The following HEMK2 variants were observed in gnomAD, a reference collection of about 807,000 sequenced individuals.
HEMK2 encodes the protein methyltransferase HEMK2.
chr21:28,657,495 T>A, the HEMK2 span, among the ~76,000 whole-genome samples: 5 of 151,968 alleles, frequency 3.3e-5, no homozygotes, highest in African/African-American at 1.2e-4. Flanking sequence ...AGGAGAAAAA[T>A]CTCAACTCAA....
At chr21:28,784,540 G>A in the HEMK2 span, among the ~76,000 whole-genome samples, 40 of 151,614 alleles carry the variant, frequency 2.6e-4, no homozygotes, top group Non-Finnish European at 5.1e-4. Flanking sequence ...CCTGTGTCTA[G>A]CTCAAGGTTT....
chr21:28,601,498 A>G, the HEMK2 span, among the ~76,000 whole-genome samples: 8 of 151,974 alleles, frequency 5.3e-5, no homozygotes, highest in Admixed American at 5.2e-4. Context: ...CTCTACTAAC[A>G]CTTTTTACTA....
chr21:28,833,252 A>G, the HEMK2 span, among the ~76,000 whole-genome samples: 1 of 152,242 alleles, frequency 6.6e-6, no homozygotes, highest in East Asian at 1.9e-4. Context: ...AAAACCGCAC[A>G]GAATTTTAGC....
the HEMK2 span, among the ~76,000 whole-genome samples, chr21:28,677,684 T>C: frequency 5.8e-4 from 88 of 152,296 alleles, no homozygotes; most frequent in South Asian, 0.017. Flanking sequence ...GGCTGGGTAT[T>C]CCTCTGAGAC....
the HEMK2 span, among the ~76,000 whole-genome samples, chr21:28,685,587 T>TGG: frequency 6.6e-6 from 1 of 152,156 alleles, no homozygotes; most frequent in East Asian, 1.9e-4. Context: ...TTATGCACAC[T>TGG]TAGATTTCTA....
At chr21:28,646,613 T>C in the HEMK2 span, among the ~76,000 whole-genome samples, 25 of 152,170 alleles carry the variant, frequency 1.6e-4, 1 homozygote, top group East Asian at 9.6e-4. Flanking sequence ...CAGATGGCCT[T>C]ATTTGGTATT....
the HEMK2 span, among the ~76,000 whole-genome samples, chr21:28,647,715 C>G: frequency 1.3e-5 from 2 of 152,060 alleles, no homozygotes; most frequent in Non-Finnish European, 2.9e-5. Flanking sequence ...AGACCTCTTA[C>G]ATGAAGTGAA....
the HEMK2 span, among the ~76,000 whole-genome samples, chr21:28,866,183 C>CAT: frequency 1.1e-5 from 1 of 92,604 alleles, no homozygotes; most frequent in Admixed American, 1.1e-4. Context: ...AAAACACACA[C>CAT]ACACAAAATT....
At chr21:28,588,747 GATCAC>G in the HEMK2 span, among the ~76,000 whole-genome samples, 1 of 152,088 alleles carries the variant, frequency 6.6e-6, no homozygotes, top group Non-Finnish European at 1.5e-5. Flanking sequence ...GAGGAGGTCG[GATCAC>G]GAGGTCGGAT....
At chr21:28,832,253 G>A in the HEMK2 span, among the ~76,000 whole-genome samples, 1 of 152,194 alleles carries the variant, frequency 6.6e-6, no homozygotes, top group Non-Finnish European at 1.5e-5. Flanking sequence ...GCAGTACAAA[G>A]AGGCACAGTC....
chr21:28,637,442 G>A, the HEMK2 span, among the ~76,000 whole-genome samples: 1 of 149,864 alleles, frequency 6.7e-6, no homozygotes, highest in Admixed American at 6.7e-5. Context: ...GCCTCTGCAT[G>A]TAACAGAAAT....
chr21:28,631,387 A>C, the HEMK2 span, among the ~76,000 whole-genome samples: 1 of 152,238 alleles, frequency 6.6e-6, no homozygotes, highest in Non-Finnish European at 1.5e-5. Flanking sequence ...TTGGTCAACC[A>C]GGATTCTCTA....
chr21:28,676,359 G>A, the HEMK2 span, among the ~76,000 whole-genome samples: 5 of 151,468 alleles, frequency 3.3e-5, no homozygotes, highest in African/African-American at 1.2e-4. Context: ...TTGGATTAGG[G>A]CCCACAATAG....
the HEMK2 span, among the ~76,000 whole-genome samples, chr21:28,792,665 T>C: frequency 6.6e-6 from 1 of 152,160 alleles, no homozygotes; most frequent in South Asian, 2.1e-4. Context: ...GCAACAGCTG[T>C]GTATTGAACC....
At chr21:28,741,896 A>G in the HEMK2 span, among the ~76,000 whole-genome samples, 1 of 152,168 alleles carries the variant, frequency 6.6e-6, no homozygotes, top group Admixed American at 6.6e-5. Flanking sequence ...AGAATGATAT[A>G]TATTTCTTCC....
chr21:28,742,758 C>CATTGAA, the HEMK2 span, among the ~76,000 whole-genome samples: 1 of 152,046 alleles, frequency 6.6e-6, no homozygotes, highest in South Asian at 2.1e-4. Flanking sequence ...GTCATGGTGC[C>CATTGAA]ATCTACAGTA....
chr21:28,662,051 A>G, the HEMK2 span, among the ~76,000 whole-genome samples: 1 of 152,126 alleles, frequency 6.6e-6, no homozygotes, highest in Non-Finnish European at 1.5e-5. Context: ...GGCATCACAG[A>G]AGTGGCAACT....
At chr21:28,797,655 A>G in the HEMK2 span, among the ~76,000 whole-genome samples, 1 of 152,070 alleles carries the variant, frequency 6.6e-6, no homozygotes, top group Admixed American at 6.6e-5. Flanking sequence ...TGAAGAATCC[A>G]ATTCTCAGTA....
chr21:28,751,234 G>GAAAAAAAAAA, the HEMK2 span, among the ~76,000 whole-genome samples: 128 of 125,370 alleles, frequency 1.0e-3, 1 homozygote, highest in African/African-American at 3.8e-3. Context: ...CTGTCTCAAT[G>GAAAAAAAAAA]AAAAAAAAAA....
Sources: allele counts gnomAD v4.1 joint callset (sites outside exome capture counted in the v4.1 genomes callset), GRCh38; gene constraint gnomAD v4.1.1; transcripts MANE v1.5; gene names NCBI Gene and HGNC (gene_info 2026-07-23, HGNC 2026-07-21).